Variants in NR3C1 observed in about 807,000 individuals in gnomAD.
NR3C1 encodes the protein glucocorticoid receptor.
In NR3C1, 14 loss-of-function variants were observed where a neutral mutation model predicts 74.0. The ratio of observed to expected loss-of-function variants is 0.19; its 90% CI spans 0.12 to 0.30. NR3C1 has a LOEUF of 0.30. NR3C1 is among the 10% of genes least tolerant of loss of function. NR3C1 has a pLI of 1.00. For missense variants in NR3C1, 695 were observed against 909.8 expected (o/e 0.76, Z 3.04); for synonymous variants, 308 against 332.5 (o/e 0.93, Z 0.80).
At chr5:143,402,456 T>C in intron 1 of NR3C1, 2 of 371,688 alleles carry the variant, frequency 5.4e-6, no homozygotes, top group Non-Finnish European at 7.4e-6. Flanking sequence ...CACAAAACCA[T>C]TACGGTTACA....
chr5:143,293,767 TTC>T, intron 7 of NR3C1: 1 of 545,154 alleles, frequency 1.8e-6, no homozygotes, highest in East Asian at 1.5e-4. Flanking sequence ...ATCCTTATGA[TTC>T]TATTATTTTT....
chr5:143,366,052 TA>T (rs1833118988), intron 2 of NR3C1, among the ~76,000 whole-genome samples: 1 of 152,118 alleles, frequency 6.6e-6, no homozygotes, highest in South Asian at 2.1e-4. Context: ...ATGACCACCT[TA>T]CAAAGAAGTA....
In NR3C1 at chr5:143,310,335, G is replaced by C. The variant is rs1820620333; in HGVS notation, c.1352-122C>G. The C allele has an allele frequency of 5.5e-6, 4 of 733,152 alleles. No individual in the cohort carries two copies. In the South Asian group the frequency reaches 5.9e-5, roughly 11 times the overall value. The allele number at this position is 733,152 out of a possible 1,614,324, so 45.4% of individuals were successfully genotyped here. On this transcript the variant is annotated intron_variant, in intron 3 of 8. Transcript: ENST00000394464. The stretch of plus-strand genomic sequence containing the variant: ...GACACCCACAGGTATTGCCTTGAGG[G>C]AATGTTCTTGCCTACATTGCCATTA...
intron 6 of NR3C1, among the ~76,000 whole-genome samples, chr5:143,296,311 G>A (rs190295841): frequency 6.0e-4 from 90 of 150,702 alleles, no homozygotes; most frequent in Non-Finnish European, 1.1e-3. Context: ...ACAGAAAGTC[G>A]TCTTGGACTT....
At chr5:143,395,963 C>T (rs917482170) in intron 2 of NR3C1, among the ~76,000 whole-genome samples, 2 of 151,852 alleles carry the variant, frequency 1.3e-5, no homozygotes, top group African/African-American at 4.8e-5. Context: ...TACATTTATG[C>T]AAGGTATATT....
intron 2 of NR3C1, among the ~76,000 whole-genome samples, chr5:143,377,339 TAGG>T (rs1835387541): frequency 6.6e-6 from 1 of 152,140 alleles, no homozygotes; most frequent in Non-Finnish European, 1.5e-5. Flanking sequence ...AGGCTAGCCT[TAGG>T]GCATTACCTA....
At chr5:143,352,885 T>G (rs1402263112) in intron 2 of NR3C1, among the ~76,000 whole-genome samples, 3 of 152,170 alleles carry the variant, frequency 2.0e-5, no homozygotes, top group African/African-American at 7.2e-5. Flanking sequence ...TTTCTTAAAG[T>G]AGACAACAAT....
chr5:143,306,779 C>T (rs1390360042), intron 4 of NR3C1, among the ~76,000 whole-genome samples: 1 of 150,686 alleles, frequency 6.6e-6, no homozygotes, highest in East Asian at 1.9e-4. Context: ...CCAATTTCTA[C>T]ACTAACTGGA....
intron 2 of NR3C1, among the ~76,000 whole-genome samples, chr5:143,343,778 C>T (rs1465547539): frequency 6.6e-6 from 1 of 152,162 alleles, no homozygotes; most frequent in Non-Finnish European, 1.5e-5. Context: ...GAGATGAAAT[C>T]AAAACCTTGA....
chr5:143,404,411 C>G (rs1366297595), upstream of NR3C1: 1 of 985,530 alleles, frequency 1.0e-6, no homozygotes, highest in Non-Finnish European at 1.2e-6. Context: ...CGGCAGGTCC[C>G]CCACCACCGC....
chr5:143,399,977 G>T lies in NR3C1; in HGVS notation c.863C>A (p.Thr288Asn). The T allele has an allele frequency of 1.2e-6, 2 of 1,614,170 alleles. No homozygotes were observed. The highest frequency in any genetic ancestry group is 2.2e-5 in the South Asian group (2 of 91,076). ...TTTCTCTTGCTTAATTACCCCAGGG[G>T]TGCAGAGTTCGATGAAATCTTCTTT... ...TEKEDFIELCTPGVIKQEKLG... is the reference protein window; with the variant it reads ...TEKEDFIELCNPGVIKQEKLG... Residue 288 changes from threonine (T) to asparagine (N), a missense_variant, in exon 2 of 9, where the codon ACC becomes AAC. This residue lies in a region of NR3C1 where 497 missense variants were observed against 489.5 expected (regional missense o/e 1.02). Coordinates refer to ENST00000394464, the MANE Select transcript of NR3C1 (RefSeq NM_000176.3).
chr5:143,332,610 GT>G (rs34158792), intron 2 of NR3C1: 421,603 of 1,391,296 alleles, frequency 0.3, 66,270 homozygotes, highest in Non-Finnish European at 0.33. Context: ...AAAGATGGCA[GT>G]AGCAAGACAG....
chr5:143,341,647 A>G (rs1828247888), intron 2 of NR3C1, among the ~76,000 whole-genome samples: 1 of 152,206 alleles, frequency 6.6e-6, no homozygotes, highest in South Asian at 2.1e-4. Flanking sequence ...ATATTTTTTG[A>G]CCACCAGAAA....
At chr5:143,322,846 G>A (rs1823664931) in intron 2 of NR3C1, among the ~76,000 whole-genome samples, 1 of 152,076 alleles carries the variant, frequency 6.6e-6, no homozygotes, top group African/African-American at 2.4e-5. Flanking sequence ...TGGTTTCTCT[G>A]TCATGCCAGT....
At chr5:143,294,298 G>T (rs2151527034) in intron 7 of NR3C1, 1 of 953,550 alleles carries the variant, frequency 1.0e-6, no homozygotes, top group South Asian at 4.8e-5. Context: ...GTATATGAAA[G>T]AGGTATTCAG....
intron 2 of NR3C1, among the ~76,000 whole-genome samples, chr5:143,324,506 C>T (rs906308659): frequency 6.6e-6 from 1 of 152,186 alleles, no homozygotes; most frequent in Non-Finnish European, 1.5e-5. Context: ...CCCACGAAAC[C>T]ACTTTTTCCT....
At chr5:143,399,565 T>G in intron 2 of NR3C1, 91 bp downstream of exon 2, 1 of 1,043,524 alleles carries the variant, frequency 9.6e-7, no homozygotes, top group Non-Finnish European at 1.5e-6. Context: ...ACATGAATCT[T>G]TAGAGAACAC....
chr5:143,369,751 T>C (rs1041692894), intron 2 of NR3C1, among the ~76,000 whole-genome samples: 2 of 152,172 alleles, frequency 1.3e-5, no homozygotes, highest in Admixed American at 6.5e-5. Context: ...CAATCAAAAA[T>C]GTCAATAGTC....
At chr5:143,290,747 T>C (rs1349083863) in intron 7 of NR3C1, among the ~76,000 whole-genome samples, 1 of 152,002 alleles carries the variant, frequency 6.6e-6, no homozygotes, top group Non-Finnish European at 1.5e-5. Context: ...ATAGTTTTAG[T>C]AGAGTCGGGG....
Sources: gnomAD v4.1 joint callset for allele counts (sites outside exome capture counted in the v4.1 genomes callset) on GRCh38, gnomAD v4.1.1 for gene constraint, gnomAD v4.1.1 regional missense constraint, MANE v1.5 for transcripts, NCBI Gene and HGNC (gene_info 2026-07-23, HGNC 2026-07-21) for gene names.